ZNF514: variants seen among roughly 807,000 people sequenced by gnomAD.
ZNF514 encodes the protein zinc finger protein 514.
A neutral mutation model predicts 9.7 loss-of-function variants in ZNF514; 12 were observed. The ratio of observed to expected loss-of-function variants is 1.24; its 90% CI spans 0.79 to 2.01. ZNF514 has a LOEUF of 2.01. Among genes scored for constraint, ZNF514 ranks in the 30% most tolerant of loss-of-function variants. The pLI, the probability that ZNF514 is intolerant of heterozygous loss-of-function variation, is 0.00. For missense variants in ZNF514, 467 were observed against 465.5 expected, an observed-to-expected ratio of 1.00 and a Z score of -0.03; for synonymous variants, 158 against 163.7, an observed-to-expected ratio of 0.97 and a Z score of 0.27.
At chr2:95,139,916 A>G in the ZNF514 span, among the ~76,000 whole-genome samples, 1 of 152,168 alleles carries the variant, frequency 6.6e-6, no homozygotes, top group Non-Finnish European at 1.5e-5. Context: ...TGCTTACAAG[A>G]TCTGGTCATT....
At chr2:95,152,184 G>T (rs934033396) in intron 4 of ZNF514, among the ~76,000 whole-genome samples, 3 of 152,196 alleles carry the variant, frequency 2.0e-5, no homozygotes, top group Non-Finnish European at 4.4e-5. Context: ...AGCTGTCAAG[G>T]AGTAGTCTTT....
chr2:95,147,499 A>T lies in ZNF514; in HGVS notation c.*1783T>A, dbSNP rs1298781553. On this transcript the variant is annotated 3_prime_UTR_variant, in exon 5 of 5. Transcript: ENST00000295208. ...AAGATTCCTTGTAACATTTGCAGTT[A>T]CTTTGTTTCTGAAGATCTGCCATTT... The T allele has an allele frequency of 6.6e-6, 1 of 152,192 alleles. No individual in the cohort carries two copies. The highest frequency in any genetic ancestry group is 1.9e-4 in the East Asian group (1 of 5,192). 9.4% of individuals were successfully genotyped at this position (152,192 alleles called of 1,614,324 possible).
downstream of ZNF514, among the ~76,000 whole-genome samples, chr2:95,140,920 A>AC (rs1676817920): frequency 6.6e-6 from 1 of 151,800 alleles, no homozygotes; most frequent in Non-Finnish European, 1.5e-5. Context: ...GGTGGCAGTG[A>AC]GCCGAGATCA....
At chr2:95,135,125 A>G in the ZNF514 span, among the ~76,000 whole-genome samples, 1 of 152,162 alleles carries the variant, frequency 6.6e-6, no homozygotes, top group Non-Finnish European at 1.5e-5. Context: ...AATTTCTACA[A>G]ATAATATAGC....
intron 1 of ZNF514, 86 bp downstream of exon 1, chr2:95,159,142 TGCAGGGCCCAGA>T (rs1335575405): frequency 4.2e-6 from 3 of 719,832 alleles, no homozygotes; most frequent in African/African-American, 3.8e-5. Context: ...CCAGCGGACC[TGCAGGGCCCAGA>T]GCAGGGCCGG....
chr2:95,125,252 G>A, the ZNF514 span, among the ~76,000 whole-genome samples: 13 of 129,438 alleles, frequency 1.0e-4, no homozygotes, highest in Admixed American at 7.3e-4. Context: ...TTTTTGAGAC[G>A]GAGTCTCGCG....
At chr2:95,133,183 T>G in the ZNF514 span, among the ~76,000 whole-genome samples, 1 of 151,982 alleles carries the variant, frequency 6.6e-6, no homozygotes, top group Non-Finnish European at 1.5e-5. Context: ...AAAAAGCCAA[T>G]CTTGGCCAGG....
the ZNF514 span, among the ~76,000 whole-genome samples, chr2:95,131,207 G>C: frequency 6.6e-6 from 1 of 152,136 alleles, no homozygotes; most frequent in African/African-American, 2.4e-5. Context: ...CTTGACATCT[G>C]GTGAAATCAG....
intron 4 of ZNF514, among the ~76,000 whole-genome samples, chr2:95,151,557 A>G (rs1673547128): frequency 6.6e-6 from 1 of 152,206 alleles, no homozygotes; most frequent in African/African-American, 2.4e-5. Flanking sequence ...GAACTATGAC[A>G]TGAGTTTGTG....
At chr2:95,139,146 G>A in the ZNF514 span, among the ~76,000 whole-genome samples, 3 of 152,262 alleles carry the variant, frequency 2.0e-5, no homozygotes, top group African/African-American at 7.2e-5. Context: ...GAGTCTGTAT[G>A]AGAAAGACTC....
downstream of ZNF514, among the ~76,000 whole-genome samples, chr2:95,143,700 G>A (rs77016781): frequency 5.5e-3 from 837 of 152,256 alleles, 7 homozygotes; most frequent in African/African-American, 0.019. Context: ...CTAGATCATT[G>A]GAATTTCCTG....
chr2:95,131,186 T>C, the ZNF514 span, among the ~76,000 whole-genome samples: 2 of 152,160 alleles, frequency 1.3e-5, no homozygotes, highest in Non-Finnish European at 2.9e-5. Context: ...CCCAATAATA[T>C]GGACTGCTGC....
the ZNF514 span, among the ~76,000 whole-genome samples, chr2:95,135,050 T>C: frequency 6.6e-6 from 1 of 152,370 alleles, no homozygotes; most frequent in African/African-American, 2.4e-5. Flanking sequence ...ATTATTCTTT[T>C]GCAAGATTGT....
In ZNF514 at chr2:95,147,329, T is replaced by C. The variant is rs1437303322; in HGVS notation, c.*1953A>G. On this transcript the variant is annotated 3_prime_UTR_variant, in exon 5 of 5. Coordinates refer to ENST00000295208, the MANE Select transcript of ZNF514 (RefSeq NM_032788.3). Reference sequence around the variant, plus strand: ...AGCAATGGTTGGTATATGTGTAAATTTGATTTTGAAAAATGATTTTATTGA... The same window carrying C: ...AGCAATGGTTGGTATATGTGTAAATCTGATTTTGAAAAATGATTTTATTGA... The C allele has an allele frequency of 6.6e-6, 1 of 152,230 alleles. No homozygotes were observed. Among genetic ancestry groups the C allele is most frequent in the Non-Finnish European group, 1.5e-5 (1 of 68,046 alleles). The allele number at this position is 152,230 out of a possible 1,614,324, so 9.4% of individuals were successfully genotyped here. A position where few individuals can be genotyped will look rare whatever the true frequency, so the allele number is the denominator to read the frequency against.
chr2:95,135,149 G>A, the ZNF514 span, among the ~76,000 whole-genome samples: 3 of 152,074 alleles, frequency 2.0e-5, no homozygotes, highest in African/African-American at 4.8e-5. Context: ...GATTCTTATA[G>A]GGATTGCCTT....
Position 95,159,687 on chromosome 2 carries a change from G to GCC in ZNF514, c.-544_-543insGG, listed in dbSNP as rs1339294784. 4.1e-5 allele frequency: 3 copies of GCC among 72,726 alleles called. No individual in the cohort carries two copies. The highest frequency in any genetic ancestry group is 3.2e-4 in the Admixed American group (2 of 6,186). The allele number at this position is 72,726 out of a possible 1,614,324, so 4.5% of individuals were successfully genotyped here. A position where few individuals can be genotyped will look rare whatever the true frequency, so the allele number is the denominator to read the frequency against. ...CGCCCGCCACCCCGCGCCAGCCCCC[G>GCC]CGTCCGCCCCGCGCCAGCCCCCGCG... On this transcript the variant is annotated 5_prime_UTR_variant, in exon 1 of 5. Transcript: ENST00000295208.
At chr2:95,154,479 A>G (rs1673635590) in intron 2 of ZNF514, 1 of 152,284 alleles carries the variant, frequency 6.6e-6, no homozygotes, top group Admixed American at 6.5e-5. Context: ...CTTATTGGCA[A>G]GGTGGCAACC....
At chr2:95,131,160 A>C in the ZNF514 span, among the ~76,000 whole-genome samples, 1 of 152,212 alleles carries the variant, frequency 6.6e-6, no homozygotes, top group Non-Finnish European at 1.5e-5. Context: ...CTGTTGTGTA[A>C]GGCCTAAAAT....
the ZNF514 span, among the ~76,000 whole-genome samples, chr2:95,134,310 T>C: frequency 6.6e-6 from 1 of 152,190 alleles, no homozygotes; most frequent in Non-Finnish European, 1.5e-5. Context: ...TTCTGCACCC[T>C]GGTTATTCGA....
Sources: allele counts gnomAD v4.1 joint callset (sites outside exome capture counted in the v4.1 genomes callset), GRCh38; gene constraint gnomAD v4.1.1; transcripts MANE v1.5; gene names NCBI Gene and HGNC (gene_info 2026-07-23, HGNC 2026-07-21).